The following KCTD16 variants were observed in gnomAD, a reference collection of about 807,000 sequenced individuals.
The protein encoded by KCTD16 is BTB/POZ domain-containing protein KCTD16.
Under a neutral mutation model 33.2 loss-of-function variants are expected in KCTD16, and 13 were observed. That is an observed-to-expected ratio of 0.39 (90% CI 0.25 to 0.62). KCTD16 has a LOEUF of 0.62. Ranked by LOEUF, KCTD16 falls within the 20% of genes least tolerant of loss-of-function variation. The pLI is 0.50. For synonymous variants in KCTD16, 197 were observed against 195.3 expected (o/e 1.01, Z -0.07); for missense variants, 441 against 525.1 (o/e 0.84, Z 1.57).
chr5:144,456,501 G>A (rs1029063455), intron 3 of KCTD16, among the ~76,000 whole-genome samples: 2 of 152,094 alleles, frequency 1.3e-5, no homozygotes, highest in Non-Finnish European at 2.9e-5. Context: ...CAGGGGTAGG[G>A]AGGACTTAGC....
chr5:144,468,284 C>A (rs1754392947), intron 3 of KCTD16, among the ~76,000 whole-genome samples: 1 of 152,172 alleles, frequency 6.6e-6, no homozygotes, highest in Non-Finnish European at 1.5e-5. Flanking sequence ...TCACTGTTAC[C>A]TGTTTGCATT....
intron 3 of KCTD16, among the ~76,000 whole-genome samples, chr5:144,311,020 T>C (rs1751753143): frequency 6.6e-6 from 1 of 152,172 alleles, no homozygotes; most frequent in African/African-American, 2.4e-5. Flanking sequence ...CTAATGCCCA[T>C]TGAAGTCTGA....
rs913788823 is a variant in KCTD16 at position 144,399,316 on chromosome 5, G to GT, written c.833-74335dup. Among the ~76,000 whole-genome samples the GT allele has an allele frequency of 1.8e-3, 275 of 150,898 alleles. 2 individuals carry two copies. Among genetic ancestry groups the GT allele is most frequent in the African/African-American group, 6.0e-3 (248 of 41,120 alleles). On this transcript the variant is annotated intron_variant, in intron 3 of 3. Coordinates refer to ENST00000512467, the MANE Select transcript of KCTD16 (RefSeq NM_020768.4). Reference sequence around the variant, plus strand: ...TATAAGCAGCCTACCATTAACTAATGTTTTTTTTTCTTTCAATATTTTTTG... The same window carrying GT: ...TATAAGCAGCCTACCATTAACTAATGTTTTTTTTTTCTTTCAATATTTTTTG...
chr5:144,400,888 G>C (rs542892951), intron 3 of KCTD16, among the ~76,000 whole-genome samples: 144 of 152,278 alleles, frequency 9.5e-4, no homozygotes, highest in Non-Finnish European at 1.6e-3. Flanking sequence ...AAAAGCTGAA[G>C]GAAGAGCATT....
At chr5:144,429,638 T>C (rs987162854) in intron 3 of KCTD16, among the ~76,000 whole-genome samples, 3 of 152,078 alleles carry the variant, frequency 2.0e-5, no homozygotes, top group Non-Finnish European at 4.4e-5. Flanking sequence ...AGTACCATGA[T>C]TGACATTACC....
At chr5:144,397,873 A>G (rs747422733) in intron 3 of KCTD16, among the ~76,000 whole-genome samples, 2 of 152,178 alleles carry the variant, frequency 1.3e-5, no homozygotes. Flanking sequence ...GGTCCATGAA[A>G]AGAATTTATC....
At chr5:144,304,716 G>T (rs1751546985) in intron 3 of KCTD16, among the ~76,000 whole-genome samples, 1 of 152,130 alleles carries the variant, frequency 6.6e-6, no homozygotes. Flanking sequence ...GAGAGATATT[G>T]GAACGTTTTG....
intron 3 of KCTD16, among the ~76,000 whole-genome samples, chr5:144,398,710 T>A (rs1308677516): frequency 1.0e-3 from 146 of 144,740 alleles, no homozygotes; most frequent in African/African-American, 2.9e-3. Context: ...ACACACACAC[T>A]CTCTCTCTCT....
chr5:144,479,365 C>CAAAA lies in KCTD16; in HGVS notation c.*5264_*5267dup, dbSNP rs368957124. ...CCAAACTGATGTGTAAGAATAAATG[C>CAAAA]AAAAAAAAAAAAAAAAGAAAAAGAA... On this transcript the variant is annotated 3_prime_UTR_variant, in exon 4 of 4. Transcript: ENST00000512467. The CAAAA allele has an allele frequency of 1.1e-5, 1 of 92,484 alleles. No homozygotes were observed. Among genetic ancestry groups the CAAAA allele is most frequent in the African/African-American group, 5.0e-5 (1 of 20,130 alleles). The allele number at this position is 92,484 out of a possible 1,614,324, so 5.7% of individuals were successfully genotyped here.
At chr5:144,219,562 G>A (rs1487589883) in intron 3 of KCTD16, among the ~76,000 whole-genome samples, 1 of 123,574 alleles carries the variant, frequency 8.1e-6, no homozygotes, top group Non-Finnish European at 1.6e-5. Context: ...GCTCTGTCTC[G>A]CAGGCTGGAG....
intron 3 of KCTD16, among the ~76,000 whole-genome samples, chr5:144,397,022 C>G (rs1280860871): frequency 6.6e-6 from 1 of 151,022 alleles, no homozygotes; most frequent in Non-Finnish European, 1.5e-5. Flanking sequence ...GTGCTGCACC[C>G]ATTAACTCGT....
intron 3 of KCTD16, among the ~76,000 whole-genome samples, chr5:144,374,370 C>T (rs1752039194): frequency 6.7e-6 from 1 of 148,356 alleles, no homozygotes; most frequent in African/African-American, 2.6e-5. Flanking sequence ...ATGATAACCT[C>T]GGTCTCTGAA....
chr5:144,187,037 T>C (rs985837868), intron 2 of KCTD16, among the ~76,000 whole-genome samples: 1 of 152,108 alleles, frequency 6.6e-6, no homozygotes, highest in Non-Finnish European at 1.5e-5. Flanking sequence ...CCTCAAATAG[T>C]CAAAGAACTC....
chr5:144,218,709 C>T (rs1753638871), intron 3 of KCTD16, among the ~76,000 whole-genome samples: 1 of 152,020 alleles, frequency 6.6e-6, no homozygotes, highest in East Asian at 1.9e-4. Context: ...ATGGTATATA[C>T]CATTATTATG....
chr5:144,287,552 G>T (rs1755778702), intron 3 of KCTD16, among the ~76,000 whole-genome samples: 1 of 152,152 alleles, frequency 6.6e-6, no homozygotes, highest in Non-Finnish European at 1.5e-5. Context: ...AATCCATGCA[G>T]TTGGTTGTCA....
intron 3 of KCTD16, among the ~76,000 whole-genome samples, chr5:144,221,863 A>G (rs1209191106): frequency 6.6e-6 from 1 of 152,172 alleles, no homozygotes; most frequent in Non-Finnish European, 1.5e-5. Flanking sequence ...CAATGGTTGA[A>G]CTAATTTACA....
chr5:144,293,493 T>A (rs1460544595), intron 3 of KCTD16, among the ~76,000 whole-genome samples: 1 of 152,234 alleles, frequency 6.6e-6, no homozygotes, highest in Non-Finnish European at 1.5e-5. Context: ...AAAAATGCAC[T>A]TTTTATTCTT....
intron 3 of KCTD16, among the ~76,000 whole-genome samples, chr5:144,221,262 C>A (rs541885152): frequency 6.6e-6 from 1 of 152,024 alleles, no homozygotes; most frequent in East Asian, 1.9e-4. Flanking sequence ...GACATTAAAT[C>A]TGCTTTAGTA....
chr5:144,461,099 C>T (rs1012131489), intron 3 of KCTD16, among the ~76,000 whole-genome samples: 5 of 152,064 alleles, frequency 3.3e-5, no homozygotes, highest in African/African-American at 9.7e-5. Flanking sequence ...AAATTTCTTA[C>T]AAAAAATGTA....
Sources: gnomAD v4.1 joint callset for allele counts (sites outside exome capture counted in the v4.1 genomes callset) on GRCh38, gnomAD v4.1.1 for gene constraint, MANE v1.5 for transcripts, NCBI Gene and HGNC (gene_info 2026-07-23, HGNC 2026-07-21) for gene names.